LRRTM4: variants seen among roughly 807,000 people sequenced by gnomAD.
The protein encoded by LRRTM4 is leucine-rich repeat transmembrane neuronal protein 4.
In LRRTM4, 25 loss-of-function variants were observed where a neutral mutation model predicts 47.6. That is an observed-to-expected ratio of 0.53 (90% confidence interval 0.38 to 0.73). LRRTM4 has a LOEUF of 0.73. Among genes scored for constraint, LRRTM4 ranks in the 30% least tolerant of loss-of-function variants. The pLI, the probability that LRRTM4 is intolerant of heterozygous loss-of-function variation, is 0.00. For synonymous variants in LRRTM4, 311 were observed against 269.5 expected (o/e 1.15, Z -1.51); for missense variants, 638 against 713.4 (o/e 0.89, Z 1.20).
chr2:77,469,703 CTGTATAGCATATATATA>C (rs946387872), intron 3 of LRRTM4, among the ~76,000 whole-genome samples: 8 of 150,364 alleles, frequency 5.3e-5, no homozygotes, highest in East Asian at 2.0e-4. Context: ...TTTTTTTTAT[CTGTATAGCATATATATA>C]TGTATAGCAT....
rs201579425 is a variant in LRRTM4 at position 77,147,110 on chromosome 2, T to G, written c.1551+371208A>C. ...TAGGATTAAGCTAATTTTTTTCTAC[T>G]TGTATATTTCTTTTCCACTAAATCT... On this transcript the variant is annotated intron_variant, in intron 3 of 3. Transcript: ENST00000409884. Among the ~76,000 whole-genome samples the G allele has an allele frequency of 3.9e-5, 6 of 152,204 alleles. No homozygotes were observed. In the East Asian group the frequency reaches 1.2e-3, roughly 29 times the overall value.
intron 3 of LRRTM4, among the ~76,000 whole-genome samples, chr2:77,050,355 C>T (rs1021547655): frequency 1.3e-5 from 2 of 152,054 alleles, no homozygotes; most frequent in East Asian, 1.9e-4. Flanking sequence ...AGGCCTAATG[C>T]CAGATGCTAT....
At chr2:77,178,485 C>A (rs980072252) in intron 3 of LRRTM4, among the ~76,000 whole-genome samples, 1 of 152,006 alleles carries the variant, frequency 6.6e-6, no homozygotes, top group Non-Finnish European at 1.5e-5. Flanking sequence ...ACTTGGGAGG[C>A]TGAGGCAGGA....
At chr2:76,779,684 C>T (rs1256548297) in intron 3 of LRRTM4, among the ~76,000 whole-genome samples, 1 of 151,744 alleles carries the variant, frequency 6.6e-6, no homozygotes, top group Non-Finnish European at 1.5e-5. Context: ...TTCCTGAATA[C>T]AGCACACTGA....
intron 3 of LRRTM4, among the ~76,000 whole-genome samples, chr2:77,262,168 G>C (rs1675934836): frequency 6.6e-6 from 1 of 152,050 alleles, no homozygotes; most frequent in Non-Finnish European, 1.5e-5. Flanking sequence ...AGAAAGACAA[G>C]TTCAGGGCTC....
chr2:76,836,554 A>G (rs1671519415), intron 3 of LRRTM4, among the ~76,000 whole-genome samples: 1 of 151,870 alleles, frequency 6.6e-6, no homozygotes, highest in Non-Finnish European at 1.5e-5. Flanking sequence ...AGTAATAATA[A>G]TATTGATGAT....
At chr2:76,903,962 A>C (rs998235743) in intron 3 of LRRTM4, among the ~76,000 whole-genome samples, 5 of 152,236 alleles carry the variant, frequency 3.3e-5, no homozygotes, top group Non-Finnish European at 7.3e-5. Flanking sequence ...ATGAGCATCA[A>C]GTTAGTGACT....
At chr2:77,483,065 G>A (rs1573476100) in intron 3 of LRRTM4, among the ~76,000 whole-genome samples, 1 of 133,288 alleles carries the variant, frequency 7.5e-6, no homozygotes, top group Non-Finnish European at 1.5e-5. Context: ...AGGTTGCAGC[G>A]AGCCGAGATT....
At chr2:77,020,297 A>G (rs895087225) in intron 3 of LRRTM4, among the ~76,000 whole-genome samples, 4 of 152,178 alleles carry the variant, frequency 2.6e-5, no homozygotes, top group East Asian at 1.9e-4. Context: ...TGGCCTCACA[A>G]TAAGAATTAA....
chr2:77,394,952 T>G (rs939323800), intron 3 of LRRTM4, among the ~76,000 whole-genome samples: 6 of 151,938 alleles, frequency 3.9e-5, no homozygotes, highest in African/African-American at 1.4e-4. Context: ...GGCATTGAGC[T>G]CAAGTTGTCT....
intron 3 of LRRTM4, among the ~76,000 whole-genome samples, chr2:76,856,183 A>C (rs528716530): frequency 6.6e-6 from 1 of 152,256 alleles, no homozygotes; most frequent in African/African-American, 2.4e-5. Context: ...AGGCTGAGGC[A>C]AGAGAATCCC....
At chr2:77,041,759 G>C (rs1248432753) in intron 3 of LRRTM4, among the ~76,000 whole-genome samples, 1 of 145,376 alleles carries the variant, frequency 6.9e-6, no homozygotes, top group African/African-American at 2.5e-5. Flanking sequence ...CTTTTTGCTA[G>C]TGAATTGTTT....
intron 3 of LRRTM4, among the ~76,000 whole-genome samples, chr2:76,918,468 T>C (rs967871671): frequency 6.6e-6 from 1 of 152,206 alleles, no homozygotes; most frequent in African/African-American, 2.4e-5. Flanking sequence ...GATACATTTG[T>C]CTAATAGTTT....
intron 3 of LRRTM4, among the ~76,000 whole-genome samples, chr2:76,975,585 C>G (rs1676391703): frequency 6.6e-6 from 1 of 151,436 alleles, no homozygotes; most frequent in Middle Eastern, 3.2e-3. Context: ...TCCATATGTT[C>G]AAAATAAAAG....
chr2:77,226,427 T>A (rs12623152), intron 3 of LRRTM4, among the ~76,000 whole-genome samples: 30,188 of 151,424 alleles, frequency 0.2, 5,833 homozygotes, highest in African/African-American at 0.5. Context: ...TCCTTTTATG[T>A]TCCATATCCC....
chr2:76,851,836 G>A (rs975802860), intron 3 of LRRTM4, among the ~76,000 whole-genome samples: 35 of 147,010 alleles, frequency 2.4e-4, no homozygotes, highest in Admixed American at 1.6e-3. Flanking sequence ...TTCCAGAGAT[G>A]AGGTAAATTA....
chr2:76,812,803 T>TCCACTCCCTCCCCCCCCTCCA (rs1670785279), intron 3 of LRRTM4, among the ~76,000 whole-genome samples: 1 of 81,728 alleles, frequency 1.2e-5, no homozygotes, highest in African/African-American at 4.5e-5. Context: ...CCCCCCCTCC[T>TCCACTCCCTCCCCCCCCTCCA]CCTCCTTATT....
At chr2:77,474,842 G>C (rs1383227831) in intron 3 of LRRTM4, among the ~76,000 whole-genome samples, 1 of 152,022 alleles carries the variant, frequency 6.6e-6, no homozygotes, top group African/African-American at 2.4e-5. Context: ...GGGTAAATAT[G>C]ATGAAATGTT....
intron 3 of LRRTM4, among the ~76,000 whole-genome samples, chr2:76,975,521 A>T (rs906557236): frequency 4.6e-5 from 7 of 151,688 alleles, no homozygotes; most frequent in African/African-American, 7.2e-5. Flanking sequence ...GCAAAATATT[A>T]TCACCTCTAA....
Sources: allele counts gnomAD v4.1 joint callset (sites outside exome capture counted in the v4.1 genomes callset), GRCh38; gene constraint gnomAD v4.1.1; transcripts MANE v1.5; gene names NCBI Gene and HGNC (gene_info 2026-07-23, HGNC 2026-07-21).